The following MCU variants were observed in gnomAD, a reference collection of about 807,000 sequenced individuals.
MCU encodes calcium uniporter protein, mitochondrial.
In MCU, 12 loss-of-function variants were observed where a neutral mutation model predicts 45.2. That is an observed-to-expected ratio of 0.27 (90% confidence interval 0.17 to 0.43). The LOEUF (loss-of-function observed/expected upper bound fraction) is 0.43. MCU is among the 20% of genes least tolerant of loss of function. MCU has a pLI of 1.00. For missense variants in MCU, 324 were observed against 436.7 expected (o/e 0.74, Z 2.30); for synonymous variants, 160 against 165.1 (o/e 0.97, Z 0.24).
chr10:72,795,341 T>C (rs868846854), intron 1 of MCU, among the ~76,000 whole-genome samples: 2 of 152,164 alleles, frequency 1.3e-5, no homozygotes, highest in Non-Finnish European at 2.9e-5. Context: ...GTTTTTGATA[T>C]GGCATCATCC....
chr10:72,765,571 A>T (rs964868944), intron 1 of MCU, among the ~76,000 whole-genome samples: 3 of 152,104 alleles, frequency 2.0e-5, no homozygotes, highest in African/African-American at 7.2e-5. Context: ...AGGCAGGAAG[A>T]TAGCTTGTGC....
intron 1 of MCU, among the ~76,000 whole-genome samples, chr10:72,827,022 G>A (rs764865829): frequency 2.0e-5 from 3 of 152,014 alleles, no homozygotes; most frequent in Admixed American, 1.3e-4. Context: ...TTATCCATAG[G>A]TATGTGTTTA....
At chr10:72,868,085 T>G (rs988875986) in intron 4 of MCU, among the ~76,000 whole-genome samples, 1 of 152,166 alleles carries the variant, frequency 6.6e-6, no homozygotes, top group Non-Finnish European at 1.5e-5. Flanking sequence ...AATTTTGTCT[T>G]TATCTAATGA....
chr10:72,876,925 T>TG (rs1373196100), intron 6 of MCU, among the ~76,000 whole-genome samples: 8 of 150,146 alleles, frequency 5.3e-5, no homozygotes, highest in South Asian at 4.2e-4. Flanking sequence ...ATCACAGTTT[T>TG]TTTTTTTTTT....
intron 1 of MCU, among the ~76,000 whole-genome samples, chr10:72,790,197 A>G (rs1286419120): frequency 6.6e-6 from 1 of 152,230 alleles, no homozygotes; most frequent in African/African-American, 2.4e-5. Context: ...CAACAGCAGC[A>G]TTTTGGTCTA....
At chr10:72,856,148 A>G (rs894242682) in intron 2 of MCU, among the ~76,000 whole-genome samples, 2 of 152,198 alleles carry the variant, frequency 1.3e-5, no homozygotes, top group African/African-American at 2.4e-5. Context: ...AAGAAGCCAG[A>G]TATAAAAGGG....
intron 1 of MCU, among the ~76,000 whole-genome samples, chr10:72,810,405 A>C (rs973885577): frequency 1.3e-5 from 2 of 151,610 alleles, no homozygotes; most frequent in Admixed American, 6.6e-5. Flanking sequence ...CATATGTGAA[A>C]GCATTTAGTG....
chr10:72,714,365 T>TTTTTTTTTC (rs1842933374), intron 1 of MCU, among the ~76,000 whole-genome samples: 1 of 138,422 alleles, frequency 7.2e-6, no homozygotes, highest in African/African-American at 2.7e-5. Context: ...TTTTTTTTTT[T>TTTTTTTTTC]TTTAAAGAGA....
At chr10:72,763,606 G>C (rs954443322) in intron 1 of MCU, among the ~76,000 whole-genome samples, 1 of 152,128 alleles carries the variant, frequency 6.6e-6, no homozygotes. Flanking sequence ...ATTATGGTGG[G>C]ACTTTGCATA....
chr10:72,844,262 C>T (rs1307806125), intron 2 of MCU, among the ~76,000 whole-genome samples: 1 of 152,114 alleles, frequency 6.6e-6, no homozygotes, highest in Non-Finnish European at 1.5e-5. Flanking sequence ...TGGTGGGCAC[C>T]TGTAATTCCA....
At chr10:72,697,855 A>G (rs1011153032) in intron 1 of MCU, among the ~76,000 whole-genome samples, 15 of 151,702 alleles carry the variant, frequency 9.9e-5, no homozygotes, top group African/African-American at 3.4e-4. Context: ...GGAACCCTCA[A>G]CTCCTGGGCT....
At chr10:72,875,877 A>G (rs907191821) in intron 6 of MCU, among the ~76,000 whole-genome samples, 1 of 152,236 alleles carries the variant, frequency 6.6e-6, no homozygotes, top group Non-Finnish European at 1.5e-5. Flanking sequence ...CCGTCCCACC[A>G]TCTGGCCCAT....
chr10:72,708,605 G>A (rs539706233), intron 1 of MCU, among the ~76,000 whole-genome samples: 13 of 152,250 alleles, frequency 8.5e-5, no homozygotes, highest in Middle Eastern at 6.8e-3. Flanking sequence ...GGGTGAATGA[G>A]AGTCAAATAG....
intron 2 of MCU, among the ~76,000 whole-genome samples, chr10:72,853,303 G>A (rs764304360): frequency 3.9e-5 from 6 of 151,966 alleles, no homozygotes; most frequent in Non-Finnish European, 8.8e-5. Context: ...GAAAAGAAAT[G>A]GAAGATATAA....
At position 72,871,590 on chromosome 10, in the gene MCU, C is replaced by G; in HGVS notation, c.861+10C>G. The stretch of plus-strand genomic sequence containing the variant: ...TGTAATGACACGCCAGGTAAGAATT[C>G]TCTTCAAGTAACTTTTTATGAGATA... On this transcript the variant is annotated intron_variant, in intron 6 of 7. Transcript: ENST00000373053. 1 of 1,606,798 alleles carries G rather than the reference C, an allele frequency of 6.2e-7. No individual in the cohort carries two copies. The highest frequency in any genetic ancestry group is 8.5e-7 in the Non-Finnish European group (1 of 1,173,352).
chr10:72,857,279 T>A (rs1845308378), intron 2 of MCU, among the ~76,000 whole-genome samples: 1 of 151,168 alleles, frequency 6.6e-6, no homozygotes, highest in Admixed American at 6.6e-5. Flanking sequence ...CTCACTCTGT[T>A]GCCAGGCTGG....
intron 2 of MCU, among the ~76,000 whole-genome samples, chr10:72,845,951 C>T (rs1213731311): frequency 6.6e-6 from 1 of 152,072 alleles, no homozygotes; most frequent in African/African-American, 2.4e-5. Context: ...TAGGAGTCTC[C>T]CCTCCACCCC....
At chr10:72,761,484 C>T (rs1213278813) in intron 1 of MCU, among the ~76,000 whole-genome samples, 1 of 152,134 alleles carries the variant, frequency 6.6e-6, no homozygotes, top group South Asian at 2.1e-4. Context: ...CACCTTGTCA[C>T]GTGATGGTAC....
chr10:72,835,344 T>A (rs1281830951), intron 2 of MCU, among the ~76,000 whole-genome samples: 2 of 152,226 alleles, frequency 1.3e-5, no homozygotes, highest in East Asian at 1.9e-4. Context: ...GCATTTACAG[T>A]TTAGGTTGCT....
Sources: allele counts gnomAD v4.1 joint callset (sites outside exome capture counted in the v4.1 genomes callset), GRCh38; gene constraint gnomAD v4.1.1; transcripts MANE v1.5; gene names NCBI Gene and HGNC (gene_info 2026-07-23, HGNC 2026-07-21).